Variants in FGF10 observed in about 807,000 individuals in gnomAD.
FGF10 encodes fibroblast growth factor 10.
Under a neutral mutation model 19.8 loss-of-function variants are expected in FGF10, and 2 were observed. That is an observed-to-expected ratio of 0.10 (90% CI 0.04 to 0.32). The LOEUF is 0.32. Ranked by LOEUF, FGF10 falls within the 10% of genes least tolerant of loss-of-function variation. The pLI, the probability that FGF10 is intolerant of heterozygous loss-of-function variation, is 1.00. For synonymous variants in FGF10, 112 were observed against 94.0 expected (o/e 1.19, Z -1.10); for missense variants, 191 against 246.3 (o/e 0.78, Z 1.50).
chr5:44,361,916 C>A (rs930353167), intron 1 of FGF10, among the ~76,000 whole-genome samples: 3 of 151,644 alleles, frequency 2.0e-5, no homozygotes, highest in Non-Finnish European at 4.4e-5. Context: ...AAGTCACCTC[C>A]TATCACTCTC....
chr5:44,332,983 C>T (rs1007187791), intron 1 of FGF10, among the ~76,000 whole-genome samples: 3 of 152,052 alleles, frequency 2.0e-5, no homozygotes, highest in Admixed American at 2.0e-4. Flanking sequence ...TGATCACTAG[C>T]AATCTCTAGA....
At chr5:44,329,605 A>G (rs760669544) in intron 1 of FGF10, among the ~76,000 whole-genome samples, 3 of 152,190 alleles carry the variant, frequency 2.0e-5, no homozygotes, top group Non-Finnish European at 4.4e-5. Flanking sequence ...GCATATTCAC[A>G]TGAAAATTTA....
intron 1 of FGF10, among the ~76,000 whole-genome samples, chr5:44,343,939 T>C (rs1322276514): frequency 6.6e-6 from 1 of 151,956 alleles, no homozygotes; most frequent in African/African-American, 2.4e-5. Flanking sequence ...GCAACATTTG[T>C]AGTAGTGGTA....
At chr5:44,372,160 T>G (rs1482218922) in intron 1 of FGF10, among the ~76,000 whole-genome samples, 1 of 152,164 alleles carries the variant, frequency 6.6e-6, no homozygotes, top group Non-Finnish European at 1.5e-5. Context: ...CAGGGCTGTA[T>G]TCCATCTAGA....
chr5:44,374,373 A>G (rs1741808863), intron 1 of FGF10, among the ~76,000 whole-genome samples: 1 of 152,162 alleles, frequency 6.6e-6, no homozygotes, highest in Non-Finnish European at 1.5e-5. Flanking sequence ...CTTTACAAAT[A>G]CAGTAACATT....
At chr5:44,359,152 C>T (rs933720051) in intron 1 of FGF10, among the ~76,000 whole-genome samples, 1 of 151,462 alleles carries the variant, frequency 6.6e-6, no homozygotes, top group African/African-American at 2.4e-5. Context: ...TTCTTTTGCA[C>T]CATCTAAGCA....
At chr5:44,376,351 G>A (rs1741855041) in intron 1 of FGF10, among the ~76,000 whole-genome samples, 1 of 151,648 alleles carries the variant, frequency 6.6e-6, no homozygotes, top group Admixed American at 6.6e-5. Flanking sequence ...TCGTATATAT[G>A]CTGTCTGTAT....
intron 1 of FGF10, among the ~76,000 whole-genome samples, chr5:44,343,887 A>T (rs747139140): frequency 3.9e-5 from 6 of 152,002 alleles, no homozygotes; most frequent in Non-Finnish European, 8.8e-5. Context: ...AATTTGCAGG[A>T]AAAGAATTAA....
At chr5:44,319,929 G>A (rs1740444754) in intron 1 of FGF10, among the ~76,000 whole-genome samples, 1 of 152,120 alleles carries the variant, frequency 6.6e-6, no homozygotes, top group African/African-American at 2.4e-5. Context: ...TGGTGAGTGA[G>A]TGAAGCTCCA....
chr5:44,325,328 G>A (rs1442159641), intron 1 of FGF10, among the ~76,000 whole-genome samples: 9 of 151,864 alleles, frequency 5.9e-5, no homozygotes, highest in Non-Finnish European at 1.2e-4. Context: ...TCAGTGTGGC[G>A]ATTCCTCAGG....
chr5:44,374,675 T>C (rs907731169), intron 1 of FGF10, among the ~76,000 whole-genome samples: 1 of 152,160 alleles, frequency 6.6e-6, no homozygotes, highest in African/African-American at 2.4e-5. Flanking sequence ...TCTTCCTCTC[T>C]AAAATAATTA....
At chr5:44,385,571 A>T (rs999588876) in intron 1 of FGF10, among the ~76,000 whole-genome samples, 1 of 152,144 alleles carries the variant, frequency 6.6e-6, no homozygotes, top group Admixed American at 6.5e-5. Context: ...AAATAAGCAA[A>T]CCTCAAAAGA....
chr5:44,361,596 A>G (rs530092071), intron 1 of FGF10, among the ~76,000 whole-genome samples: 5 of 151,788 alleles, frequency 3.3e-5, no homozygotes, highest in African/African-American at 1.2e-4. Flanking sequence ...ATCTGGAATT[A>G]TCTCTGCAGA....
At chr5:44,380,723 G>A (rs989883626) in intron 1 of FGF10, among the ~76,000 whole-genome samples, 7 of 152,176 alleles carry the variant, frequency 4.6e-5, no homozygotes, top group Non-Finnish European at 1.0e-4. Context: ...GCTCACACCC[G>A]TAATCCCAGC....
chr5:44,371,241 C>T (rs1741735301), intron 1 of FGF10, among the ~76,000 whole-genome samples: 1 of 152,050 alleles, frequency 6.6e-6, no homozygotes, highest in South Asian at 2.1e-4. Flanking sequence ...CCACACTCAG[C>T]CCCTTTGATG....
intron 1 of FGF10, among the ~76,000 whole-genome samples, chr5:44,386,403 T>A (rs1742097885): frequency 6.6e-6 from 1 of 152,176 alleles, no homozygotes; most frequent in African/African-American, 2.4e-5. Context: ...GTTTTCTCCA[T>A]GAAAAATAAG....
rs1476814218 is a variant in FGF10, at chr5:44,301,692, G to A, written c.*3303C>T. Among the ~76,000 whole-genome samples, 1 of 152,132 alleles carries A rather than the reference G, an allele frequency of 6.6e-6. No homozygotes were observed. The highest frequency in any genetic ancestry group is 1.5e-5 in the Non-Finnish European group (1 of 68,004). ...GTAAAGATAGCTAACTCACACATGT[G>A]AAACATTAGAGAAAACTTACAAATG... On this transcript the variant is annotated 3_prime_UTR_variant, in exon 3 of 3. Transcript: ENST00000264664.
At position 44,384,834 on chromosome 5, in the gene FGF10, C is replaced by G. The variant is rs116746992; in HGVS notation, c.325+3524G>C. On this transcript the variant is annotated intron_variant, in intron 1 of 2. Transcript: ENST00000264664. ...CTTCTTTCCCAGAAAGGCCCAGGAGCCTTTTTTGTGAGTTTCCCTTTTTGG... is the reference window on the plus strand; with the variant it reads ...CTTCTTTCCCAGAAAGGCCCAGGAGGCTTTTTTGTGAGTTTCCCTTTTTGG... Among the ~76,000 whole-genome samples the G allele has an allele frequency of 3.6e-3, 547 of 152,184 alleles. 5 individuals carry two copies. The highest frequency in any genetic ancestry group is 0.013 in the African/African-American group (522 of 41,532).
intron 1 of FGF10, among the ~76,000 whole-genome samples, chr5:44,322,975 T>G (rs1316767048): frequency 6.6e-6 from 1 of 152,106 alleles, no homozygotes; most frequent in Non-Finnish European, 1.5e-5. Context: ...CAGTCCCTGG[T>G]GCCAAAAAAG....
Sources: gnomAD v4.1 joint callset for allele counts (sites outside exome capture counted in the v4.1 genomes callset) on GRCh38, gnomAD v4.1.1 for gene constraint, MANE v1.5 for transcripts, NCBI Gene and HGNC (gene_info 2026-07-23, HGNC 2026-07-21) for gene names.